Variants in DNAH9 observed in about 807,000 individuals in gnomAD.
DNAH9 encodes the protein DNAH9 variant protein.
DNAH9 carries 345 observed loss-of-function variants against 471.6 expected under a neutral mutation model. That is an observed-to-expected ratio of 0.73 (90% CI 0.67 to 0.80). The LOEUF (loss-of-function observed/expected upper bound fraction) is 0.80, where lower values mean the gene tolerates loss of function less well. Ranked by LOEUF, DNAH9 falls within the 30% of genes least tolerant of loss-of-function variation. DNAH9 has a pLI of 0.00. For missense variants in DNAH9, 5,407 were observed against 5,609.2 expected (o/e 0.96, Z 1.15); for synonymous variants, 2,093 against 2,123.6 (o/e 0.99, Z 0.40).
intron 50 of DNAH9, among the ~76,000 whole-genome samples, chr17:11,863,270 T>TA (rs1162332329): frequency 6.6e-6 from 1 of 152,216 alleles, no homozygotes; most frequent in African/African-American, 2.4e-5. Context: ...CTGCATCTAT[T>TA]AAGATAATCA....
chr17:11,718,144 T>G (rs6502166), intron 26 of DNAH9, among the ~76,000 whole-genome samples: 1 of 152,154 alleles, frequency 6.6e-6, no homozygotes, highest in Non-Finnish European at 1.5e-5. Context: ...CCCAAAGTGC[T>G]GGGATTACAG....
intron 62 of DNAH9, among the ~76,000 whole-genome samples, chr17:11,929,312 G>A (rs1432568495): frequency 6.6e-6 from 1 of 152,048 alleles, no homozygotes; most frequent in South Asian, 2.1e-4. Context: ...GGGATTACAG[G>A]TGTTAGCCAC....
chr17:11,921,823 G>A (rs960475464), intron 61 of DNAH9, among the ~76,000 whole-genome samples: 1 of 152,218 alleles, frequency 6.6e-6, no homozygotes, highest in East Asian at 1.9e-4. Flanking sequence ...GATCCCAGCC[G>A]GGCTCTGCAG....
chr17:11,729,145 G>C (rs926574686), intron 28 of DNAH9, among the ~76,000 whole-genome samples: 1 of 152,170 alleles, frequency 6.6e-6, no homozygotes, highest in Non-Finnish European at 1.5e-5. Context: ...CTGAGCAGTA[G>C]GAAAACTGGT....
Position 11,719,334 on chromosome 17 carries a change from G to A in DNAH9, c.5553G>A (p.Arg1851=), listed in dbSNP as rs1435831091. 1.2e-6 allele frequency: 2 copies of A among 1,613,834 alleles called. No homozygotes were observed. Among genetic ancestry groups the A allele is most frequent in the Non-Finnish European group, 1.7e-6 (2 of 1,179,892 alleles). The part of the protein sequence containing the change: ...PRLVITPLTD[R]CYITLTQSLH... The stretch of plus-strand genomic sequence containing the variant: ...ACCTATGCCCTCCCGTGTTTGGCAG[G>A]TGCTACATCACCCTCACCCAGTCCC... Residue 1851 remains arginine, a splice_region_variant and synonymous_variant, in exon 27 of 69, where the codon AGG becomes AGA. Coordinates refer to ENST00000262442, the MANE Select transcript of DNAH9 (RefSeq NM_001372.4).
chr17:11,791,797 G>A (rs1969076215), intron 41 of DNAH9, among the ~76,000 whole-genome samples: 1 of 152,184 alleles, frequency 6.6e-6, no homozygotes, highest in South Asian at 2.1e-4. Flanking sequence ...AGGCACATGG[G>A]AGGGAATGCC....
rs1597652318 is a variant in DNAH9, at chr17:11,791,059, C to T, written c.8062-2444C>T. On this transcript the variant is annotated intron_variant, in intron 41 of 68. Transcript: ENST00000262442. ...TTTTCCATTGCTCTTTATTCCTGTA[C>T]ATTCCTGTTCTTTCACCTGGGATCA... is the stretch of plus-strand genomic sequence containing the variant. 2.0e-5 allele frequency among the ~76,000 whole-genome samples: 3 copies of T among 152,226 alleles called. No homozygotes were observed. The South Asian group carries it at 6.2e-4, about 32-fold the overall frequency.
rs377010628 is a variant in DNAH9 at position 11,933,895 on chromosome 17, T to G, written c.12313T>G (p.Leu4105Val). Residue 4105 changes from leucine to valine, a missense_variant, in exon 65 of 69, where the codon TTG (leucine) becomes GTG (valine). Coordinates refer to ENST00000262442, the MANE Select transcript of DNAH9 (RefSeq NM_001372.4). The stretch of plus-strand genomic sequence containing the variant: ...CATCACTCAGGTCCCCTATGATGAT[T>G]TGCGCTACCTGTTTGGAGAGATCAT... The part of the protein sequence containing the change: ...EANAKVPYDD[L>V]RYLFGEIMYG... 1.3e-5 allele frequency: 21 copies of G among 1,612,576 alleles called. No homozygotes were observed. The highest frequency in any genetic ancestry group is 1.4e-5 in the Non-Finnish European group (17 of 1,179,284).
Position 11,926,039 on chromosome 17 carries a change from A to G in DNAH9, c.11877+2098A>G, listed in dbSNP as rs964642163. Among the ~76,000 whole-genome samples, 294 of 137,180 alleles carry G rather than the reference A, an allele frequency of 2.1e-3. 4 individuals are homozygous for G. The highest frequency in any genetic ancestry group is 4.9e-3 in the Admixed American group (70 of 14,210). The allele number at this position is 137,180 out of a possible 152,430, so 90.0% of individuals were successfully genotyped here. On this transcript the variant is annotated intron_variant, in intron 62 of 68. Transcript: ENST00000262442. ...TGTAAACCTGAGAGATTCTCTGAAAAAAAAAAAAAAAAAAAAAAAAAAAGC... is the reference window on the plus strand; with the variant it reads ...TGTAAACCTGAGAGATTCTCTGAAAGAAAAAAAAAAAAAAAAAAAAAAAGC...
chr17:11,716,257 A>G (rs1046262696), intron 26 of DNAH9, among the ~76,000 whole-genome samples: 39 of 151,420 alleles, frequency 2.6e-4, no homozygotes, highest in Middle Eastern at 6.8e-3. Flanking sequence ...CTAATTTTGT[A>G]TTTTCAGTAA....
intron 19 of DNAH9, among the ~76,000 whole-genome samples, chr17:11,688,184 T>C (rs77479994): frequency 6.6e-6 from 1 of 151,778 alleles, no homozygotes; most frequent in African/African-American, 2.4e-5. Flanking sequence ...CATGCTTTGC[T>C]GTATGGCAGC....
At chr17:11,688,536 G>A (rs2074278140) in intron 19 of DNAH9, among the ~76,000 whole-genome samples, 1 of 152,248 alleles carries the variant, frequency 6.6e-6, no homozygotes, top group South Asian at 2.1e-4. Flanking sequence ...ATGAAGTGCT[G>A]TTGCCTGAAG....
chr17:11,757,940 C>T (rs150738018), intron 35 of DNAH9, among the ~76,000 whole-genome samples: 3 of 152,260 alleles, frequency 2.0e-5, no homozygotes, highest in Non-Finnish European at 2.9e-5. Context: ...GTGAGTGCCA[C>T]GTGGATGTAT....
chr17:11,852,814 G>GTGTGTGTATATATATATA (rs1169950713), intron 49 of DNAH9, among the ~76,000 whole-genome samples: 2 of 92,678 alleles, frequency 2.2e-5, no homozygotes, highest in African/African-American at 3.9e-5. Flanking sequence ...GTGTGTGTGT[G>GTGTGTGTATATATATATA]TATATATATA....
intron 65 of DNAH9, among the ~76,000 whole-genome samples, chr17:11,934,434 C>CTTT (rs1567560864): frequency 1.9e-5 from 2 of 103,086 alleles, no homozygotes; most frequent in African/African-American, 6.5e-5. Flanking sequence ...TTGACAAACC[C>CTTT]ATTTTTTTTT....
intron 35 of DNAH9, among the ~76,000 whole-genome samples, chr17:11,761,228 T>A (rs1251359334): frequency 6.6e-6 from 1 of 152,172 alleles, no homozygotes; most frequent in African/African-American, 2.4e-5. Context: ...AGTGAAAATA[T>A]AAAGAAACAA....
intron 33 of DNAH9, among the ~76,000 whole-genome samples, chr17:11,754,430 T>G (rs560835855): frequency 6.6e-6 from 1 of 152,374 alleles, no homozygotes; most frequent in East Asian, 1.9e-4. Context: ...TAAACTAATT[T>G]ACACTCCCAC....
intron 7 of DNAH9, among the ~76,000 whole-genome samples, chr17:11,630,721 A>T (rs1206771211): frequency 6.6e-6 from 1 of 152,158 alleles, no homozygotes; most frequent in Non-Finnish European, 1.5e-5. Flanking sequence ...AAATAATTTT[A>T]AAAAAAGAAA....
chr17:11,779,417 A>G (rs1298443315), intron 38 of DNAH9, among the ~76,000 whole-genome samples: 1 of 152,176 alleles, frequency 6.6e-6, no homozygotes, highest in African/African-American at 2.4e-5. Context: ...CAGCATGGCC[A>G]AGAAGGGATC....
Sources: gnomAD v4.1 joint callset for allele counts (sites outside exome capture counted in the v4.1 genomes callset) on GRCh38, gnomAD v4.1.1 for gene constraint, MANE v1.5 for transcripts, NCBI Gene and HGNC (gene_info 2026-07-23, HGNC 2026-07-21) for gene names.